TRIM49D1: variants seen among roughly 807,000 people sequenced by gnomAD.
The protein encoded by TRIM49D1 is tripartite motif-containing protein 49D.
chr11:89,920,608 AC>A (rs1314252813), intron 1 of TRIM49D1, 99 bp from the exon 2 acceptor site: 1 of 352,726 alleles, frequency 2.8e-6, no homozygotes, highest in African/African-American at 2.1e-5. Flanking sequence ...AATTATCATC[AC>A]TCCTTAAAAA....
At chr11:89,921,434 G>A (rs937961859) in intron 1 of TRIM49D1, among the ~76,000 whole-genome samples, 71 of 151,904 alleles carry the variant, frequency 4.7e-4, no homozygotes, top group Non-Finnish European at 2.6e-4. Flanking sequence ...TTTAAGAAGC[G>A]GCTACTCAAA....
At position 89,921,925 on chromosome 11, in the gene TRIM49D1, G is replaced by A. The variant is rs529007000; in HGVS notation, c.-289C>T. 2.6e-5 allele frequency among the ~76,000 whole-genome samples: 4 copies of A among 152,006 alleles called. No individual in the cohort carries two copies. The South Asian group carries it at 8.3e-4, about 32-fold the overall frequency. ...AAAATACCTTCCCAGTAGGTCCTAC[G>A]TGAGTGTTTCATTGAATAACAATAA... is the stretch of plus-strand genomic sequence containing the variant. On this transcript the variant is annotated 5_prime_UTR_variant, in exon 1 of 8. In the 5' UTR this introduces an upstream ATG that the reference lacks. Coordinates refer to ENST00000420869, the MANE Select transcript of TRIM49D1 (RefSeq NM_001384911.1).
intron 1 of TRIM49D1, chr11:89,921,573 A>T (rs1478986252): frequency 6.6e-6 from 1 of 152,030 alleles, no homozygotes; most frequent in East Asian, 1.9e-4. Context: ...AGATCCCATA[A>T]TATATATGAA....
chr11:89,920,796 A>G (rs868020371), intron 1 of TRIM49D1, among the ~76,000 whole-genome samples: 1 of 152,016 alleles, frequency 6.6e-6, no homozygotes, highest in South Asian at 2.1e-4. Flanking sequence ...GCAGTGGTAC[A>G]GTCATAGCTC....
rs370153719 is a variant in TRIM49D1, at chr11:89,920,327, T to A, written c.-33A>T. 2 of 247,472 alleles carry A rather than the reference T, an allele frequency of 8.1e-6. No homozygotes were observed. The highest frequency in any genetic ancestry group is 6.7e-6 in the Non-Finnish European group (1 of 149,846). 15.3% of individuals were successfully genotyped at this position (247,472 alleles called of 1,614,324 possible). ...TGGGTTCTTTGAAGGGTTCCCACAATGATTCTTCGAGAAATAATTCTGTTA... is the reference window on the plus strand; with the variant it reads ...TGGGTTCTTTGAAGGGTTCCCACAAAGATTCTTCGAGAAATAATTCTGTTA... On this transcript the variant is annotated 5_prime_UTR_variant, in exon 2 of 8. Transcript: ENST00000420869.
Position 89,921,988 on chromosome 11 carries a change from C to A in TRIM49D1, c.-352G>T, listed in dbSNP as rs1010495238. Among the ~76,000 whole-genome samples the A allele has an allele frequency of 1.1e-4, 16 of 151,976 alleles. No homozygotes were observed. Among genetic ancestry groups the A allele is most frequent in the African/African-American group, 3.9e-4 (16 of 41,288 alleles). The stretch of plus-strand genomic sequence containing the variant: ...ATGCCACAAAGTCCAGTTTCATTCT[C>A]CTACATGTGGCTTGCCAATTATCCC... On this transcript the variant is annotated 5_prime_UTR_variant, in exon 1 of 8. Coordinates refer to ENST00000420869, the MANE Select transcript of TRIM49D1 (RefSeq NM_001384911.1).
chr11:89,920,226 T>C (rs1950323754), intron 2 of TRIM49D1, 73 bp downstream of exon 2: 1 of 26,500 alleles, frequency 3.8e-5, no homozygotes, highest in Non-Finnish European at 5.9e-5. Flanking sequence ...GATAATGAGA[T>C]ATTTTTAACA....
intron 1 of TRIM49D1, among the ~76,000 whole-genome samples, chr11:89,921,043 A>G (rs1950328918): frequency 6.6e-6 from 1 of 152,072 alleles, no homozygotes; most frequent in African/African-American, 2.4e-5. Flanking sequence ...CCAGCCTTAA[A>G]TGCTGCTTTA....
At position 89,922,227 on chromosome 11, in the gene TRIM49D1, G is replaced by C. The variant is rs942496729; in HGVS notation, c.-591C>G. ...TGTAATGCTCAGGGGCCAGACAGTC[G>C]GCTGCAGCAGCACAGCCTCATCCAG... On this transcript the variant is annotated 5_prime_UTR_variant, in exon 1 of 8. Transcript: ENST00000420869. Among the ~76,000 whole-genome samples the C allele has an allele frequency of 6.6e-6, 1 of 151,860 alleles. No homozygotes were observed.
At chr11:89,920,771 G>C (rs1001164854) in intron 1 of TRIM49D1, among the ~76,000 whole-genome samples, 3 of 152,008 alleles carry the variant, frequency 2.0e-5, no homozygotes, top group African/African-American at 7.3e-5. Context: ...TAGAGAAACT[G>C]TCTGCTTGTG....
Position 89,911,489 on chromosome 11 carries a change from AGAACGTATTT to A in TRIM49D1, c.*88_*97del. The A allele has an allele frequency of 3.3e-6, 2 of 598,988 alleles. No individual in the cohort carries two copies. Among genetic ancestry groups the A allele is most frequent in the South Asian group, 4.1e-5 (2 of 48,878 alleles). The allele number at this position is 598,988 out of a possible 1,614,324, so 37.1% of individuals were successfully genotyped here. A position where few individuals can be genotyped will look rare whatever the true frequency, so the allele number is the denominator to read the frequency against. On this transcript the variant is annotated 3_prime_UTR_variant, in exon 8 of 8. Transcript: ENST00000420869. ...TAGAATGCAATTCAAGACATAAAAC[AGAACGTATTT>A]GTCCTGTTTGATAAGGCACAAGGAA...
rs984832927 is a variant in TRIM49D1, at chr11:89,921,891, T to C, written c.-255A>G. On this transcript the variant is annotated 5_prime_UTR_variant, in exon 1 of 8. An upstream open reading frame in the 5' UTR loses its in-frame stop. Coordinates refer to ENST00000420869, the MANE Select transcript of TRIM49D1 (RefSeq NM_001384911.1). Reference sequence around the variant, plus strand: ...TAGTTACAAGAGCAGGACCTTTCGTTACATCTGCAAAATACCTTCCCAGTA... The same window carrying C: ...TAGTTACAAGAGCAGGACCTTTCGTCACATCTGCAAAATACCTTCCCAGTA... The C allele has an allele frequency of 2.0e-5, 3 of 152,092 alleles. No homozygotes were observed. Among genetic ancestry groups the C allele is most frequent in the African/African-American group, 7.3e-5 (3 of 41,362 alleles). The allele number at this position is 152,092 out of a possible 1,614,324, so 9.4% of individuals were successfully genotyped here. A position where few individuals can be genotyped will look rare whatever the true frequency, so the allele number is the denominator to read the frequency against.
chr11:89,921,507 G>A (rs1396888310), intron 1 of TRIM49D1: 1 of 152,010 alleles, frequency 6.6e-6, no homozygotes, highest in South Asian at 2.1e-4. Context: ...AAGAGTGTCA[G>A]AACAGTGAAG....
At chr11:89,920,610 T>C in intron 1 of TRIM49D1, 101 bp from the exon 2 acceptor site, 1 of 356,826 alleles carries the variant, frequency 2.8e-6, no homozygotes, top group Non-Finnish European at 5.1e-6. Flanking sequence ...TTATCATCAC[T>C]CCTTAAAAAA....
chr11:89,920,614 TA>T (rs1328339649), intron 1 of TRIM49D1, 105 bp from the exon 2 acceptor site: 11 of 361,176 alleles, frequency 3.0e-5, no homozygotes, highest in Admixed American at 1.4e-4. Context: ...CATCACTCCT[TA>T]AAAAACCATG....
chr11:89,921,212 C>T (rs557495901), intron 1 of TRIM49D1, among the ~76,000 whole-genome samples: 44 of 152,026 alleles, frequency 2.9e-4, no homozygotes, highest in African/African-American at 8.9e-4. Context: ...GGGTGAAATA[C>T]GAGTTATTAT....
Position 89,922,222 on chromosome 11 carries a change from C to T in TRIM49D1, c.-586G>A, listed in dbSNP as rs1258948490. 1.3e-5 allele frequency among the ~76,000 whole-genome samples: 2 copies of T among 151,900 alleles called. No homozygotes were observed. Among genetic ancestry groups the T allele is most frequent in the Admixed American group, 6.6e-5 (1 of 15,244 alleles). ...GGGGATGTAATGCTCAGGGGCCAGA[C>T]AGTCGGCTGCAGCAGCACAGCCTCA... On this transcript the variant is annotated 5_prime_UTR_variant, in exon 1 of 8. Transcript: ENST00000420869.
At chr11:89,920,847 T>C (rs2388209) in intron 1 of TRIM49D1, among the ~76,000 whole-genome samples, 1 of 151,958 alleles carries the variant, frequency 6.6e-6, no homozygotes, top group Admixed American at 6.6e-5. Flanking sequence ...ATCCTCCTGC[T>C]TCAGCCTCCC....
rs145086134 is a variant in TRIM49D1 at position 89,921,966 on chromosome 11, C to A, written c.-330G>T. On this transcript the variant is annotated 5_prime_UTR_variant, in exon 1 of 8. Coordinates refer to ENST00000420869, the MANE Select transcript of TRIM49D1 (RefSeq NM_001384911.1). The stretch of plus-strand genomic sequence containing the variant: ...ATAACAATAAGAAAGTTTGTCTATG[C>A]CACAAAGTCCAGTTTCATTCTCCTA... Among the ~76,000 whole-genome samples, 1 of 151,946 alleles carries A rather than the reference C, an allele frequency of 6.6e-6. No homozygotes were observed. Among genetic ancestry groups the A allele is most frequent in the African/African-American group, 2.4e-5 (1 of 41,294 alleles).
Sources: gnomAD v4.1 joint callset for allele counts (sites outside exome capture counted in the v4.1 genomes callset) on GRCh38, gnomAD v4.1.1 for gene constraint, MANE v1.5 for transcripts, NCBI Gene and HGNC (gene_info 2026-07-23, HGNC 2026-07-21) for gene names.